SLC3A1: variants seen among roughly 807,000 people sequenced by gnomAD.
SLC3A1 encodes the protein solute carrier family 3 member 1.
A neutral mutation model predicts 60.3 loss-of-function variants in SLC3A1; 78 were observed. The ratio of observed to expected loss-of-function variants is 1.29; its 90% CI spans 1.08 to 1.56. The LOEUF (loss-of-function observed/expected upper bound fraction) is 1.56. Ranked by LOEUF, SLC3A1 falls within the 40% of genes most tolerant of loss-of-function variation. SLC3A1 has a pLI of 0.00. For missense variants in SLC3A1, 1,172 were observed against 858.9 expected, an observed-to-expected ratio of 1.36 and a Z score of -4.56; for synonymous variants, 392 against 307.9, an observed-to-expected ratio of 1.27 and a Z score of -2.86.
In SLC3A1 at chr2:44,304,328, C is replaced by T. The variant is rs779168140; in HGVS notation, c.1322C>T (p.Pro441Leu). Residue 441 changes from proline to leucine, a missense_variant, in exon 7 of 10, where the codon CCT becomes CTT. Coordinates refer to ENST00000260649, the MANE Select transcript of SLC3A1 (RefSeq NM_000341.4). ...WMENMPEGKWPNWMIGGPDSS... is the reference protein window; with the variant it reads ...WMENMPEGKWLNWMIGGPDSS... ...GAAAACATGCCAGAAGGAAAATGGC[C>T]TAACTGGATGGTAAGTCCTCATGAC... The T allele has an allele frequency of 5.6e-6, 9 of 1,613,242 alleles. No homozygotes were observed. Among genetic ancestry groups the T allele is most frequent in the Non-Finnish European group, 6.8e-6 (8 of 1,179,292 alleles).
intron 7 of SLC3A1, among the ~76,000 whole-genome samples, chr2:44,311,124 G>A (rs1672285755): frequency 6.6e-6 from 1 of 152,156 alleles, no homozygotes; most frequent in East Asian, 1.9e-4. Context: ...TGGTTCTCAG[G>A]CCAGATACTC....
rs937353956 is a variant in SLC3A1 at position 44,314,177 on chromosome 2, A to G, written c.1617+226A>G. Reference sequence around the variant, plus strand: ...TGAAGTGAAGTATCATATAGAATATACAAGTCTTCATTGCAATGACCTTTA... The same window carrying G: ...TGAAGTGAAGTATCATATAGAATATGCAAGTCTTCATTGCAATGACCTTTA... On this transcript the variant is annotated intron_variant, in intron 9 of 9. Coordinates refer to ENST00000260649, the MANE Select transcript of SLC3A1 (RefSeq NM_000341.4). 2.5e-5 allele frequency: 28 copies of G among 1,120,748 alleles called. No individual in the cohort carries two copies. In the African/African-American group the frequency reaches 3.8e-4, roughly 15 times the overall value. 69.4% of individuals were successfully genotyped at this position (1,120,748 alleles called of 1,614,324 possible).
In SLC3A1 at chr2:44,295,421, G is replaced by C. The variant is rs550430450; in HGVS notation, c.892-4550G>C. 4.3e-4 allele frequency among the ~76,000 whole-genome samples: 65 copies of C among 152,264 alleles called. 2 individuals are homozygous for C. In the South Asian group the frequency reaches 0.012, roughly 29 times the overall value. ...CCCATTTTTGCATCTGGAACCCTGA[G>C]AGACCTTCATGGGAGTAAAGAGGGT... On this transcript the variant is annotated intron_variant, in intron 4 of 9. Coordinates refer to ENST00000260649, the MANE Select transcript of SLC3A1 (RefSeq NM_000341.4).
At position 44,280,852 on chromosome 2, in the gene SLC3A1, G is replaced by T; in HGVS notation, c.567G>T (p.Thr189=). The T allele has an allele frequency of 6.2e-7, 1 of 1,614,092 alleles. No individual in the cohort carries two copies. Among genetic ancestry groups the T allele is most frequent in the Non-Finnish European group, 8.5e-7 (1 of 1,180,000 alleles). ...DFREVDPIFG[T]MEDFENLVAA... ...GGGAAGTTGATCCCATTTTTGGAACGATGGAAGATTTTGAGAATCTGGTTG... is the reference window on the plus strand; with the variant it reads ...GGGAAGTTGATCCCATTTTTGGAACTATGGAAGATTTTGAGAATCTGGTTG... The change falls in exon 2 of 10, where the codon ACG becomes ACT. Residue 189 remains threonine (T), a synonymous_variant. Transcript: ENST00000260649.
At chr2:44,305,667 C>T (rs765834814) in intron 7 of SLC3A1, among the ~76,000 whole-genome samples, 1 of 151,906 alleles carries the variant, frequency 6.6e-6, no homozygotes, top group Non-Finnish European at 1.5e-5. Flanking sequence ...ACCTCGTGAT[C>T]CACCCCCACC....
chr2:44,313,729 A>C, intron 8 of SLC3A1, 106 bp from the exon 9 acceptor site: 1 of 955,486 alleles, frequency 1.0e-6, no homozygotes. Context: ...TACAAACACT[A>C]GCTAAGAACT....
intron 1 of SLC3A1, among the ~76,000 whole-genome samples, chr2:44,279,846 T>G (rs1187263304): frequency 1.3e-5 from 2 of 151,816 alleles, no homozygotes; most frequent in East Asian, 3.9e-4. Flanking sequence ...TACAGGCACG[T>G]GCCACCATGC....
chr2:44,290,691 T>TG (rs1218148630), intron 4 of SLC3A1, among the ~76,000 whole-genome samples: 2 of 151,828 alleles, frequency 1.3e-5, no homozygotes, highest in African/African-American at 4.8e-5. Context: ...GACTTTTTTT[T>TG]TTTTTACTGT....
In SLC3A1 at chr2:44,275,544, A is replaced by G; in HGVS notation, c.9A>G (p.Glu3=). 2.5e-6 allele frequency: 4 copies of G among 1,614,064 alleles called. No individual in the cohort carries two copies. The highest frequency in any genetic ancestry group is 2.5e-6 in the Non-Finnish European group (3 of 1,179,968). MA[E]DKSKRDSIEM... Reference sequence around the variant, plus strand: ...ACATAAGTCGGTGAGACATGGCTGAAGATAAAAGCAAGAGAGACTCCATCG... The same window carrying G: ...ACATAAGTCGGTGAGACATGGCTGAGGATAAAAGCAAGAGAGACTCCATCG... Residue 3 remains glutamate (E), a synonymous_variant, in exon 1 of 10, where the codon GAA becomes GAG. Transcript: ENST00000260649.
At chr2:44,314,231 T>A in intron 9 of SLC3A1, 1 of 743,654 alleles carries the variant, frequency 1.3e-6, no homozygotes, top group Non-Finnish European at 2.1e-6. Flanking sequence ...GAAGGAAATT[T>A]TATGAAGTTT....
Position 44,320,489 on chromosome 2 carries a change from T to A in SLC3A1, c.1908T>A (p.Ser636Arg). 1 of 1,614,132 alleles carries A rather than the reference T, an allele frequency of 6.2e-7. No individual in the cohort carries two copies. The highest frequency in any genetic ancestry group is 8.5e-7 in the Non-Finnish European group (1 of 1,179,984). ...SADKGSKVDT[S>R]GIFLDKGEGL... The stretch of plus-strand genomic sequence containing the variant: ...ACAAAGGCAGTAAAGTTGATACAAG[T>A]GGCATTTTTCTGGACAAGGGAGAGG... The change falls in exon 10 of 10, where the codon AGT (serine) becomes AGA (arginine). Residue 636 changes from serine to arginine, a missense_variant. By Grantham distance (110) the Ser-to-Arg change is moderately radical. Coordinates refer to ENST00000260649, the MANE Select transcript of SLC3A1 (RefSeq NM_000341.4).
rs1672191432 is a variant in SLC3A1 at position 44,307,656 on chromosome 2, T to G, written c.1332+3318T>G. Among the ~76,000 whole-genome samples, 4 of 151,766 alleles carry G rather than the reference T, an allele frequency of 2.6e-5. No homozygotes were observed. The South Asian group carries it at 8.3e-4, about 32-fold the overall frequency. ...GGACATCTGCATGTCTTATTTGGAG[T>G]AATGTCTGTTCAGATTCTTTGCCTA... On this transcript the variant is annotated intron_variant, in intron 7 of 9. Coordinates refer to ENST00000260649, the MANE Select transcript of SLC3A1 (RefSeq NM_000341.4).
At chr2:44,319,387 T>TG (rs933046422) in intron 9 of SLC3A1, 1 of 152,390 alleles carries the variant, frequency 6.6e-6, no homozygotes, top group Non-Finnish European at 1.5e-5. Flanking sequence ...AATACAAAAA[T>TG]GGGGGGAGGG....
At chr2:44,294,230 C>T (rs1265819338) in intron 4 of SLC3A1, among the ~76,000 whole-genome samples, 2 of 152,038 alleles carry the variant, frequency 1.3e-5, no homozygotes, top group South Asian at 2.1e-4. Context: ...GGGGTCTGGG[C>T]GTGGTGGCTC....
In SLC3A1 at chr2:44,320,204, A is replaced by G. The variant is rs1291355341; in HGVS notation, c.1623A>G (p.Gln541=). The G allele has an allele frequency of 6.8e-6, 11 of 1,613,106 alleles. No individual in the cohort carries two copies. Among genetic ancestry groups the G allele is most frequent in the Admixed American group, 1.7e-5 (1 of 59,960 alleles). Residue 541 remains glutamine (Q), a synonymous_variant, in exon 10 of 10, where the codon CAA becomes CAG. Transcript: ENST00000260649. Reference sequence around the variant, plus strand: ...ATACTTTTTTAAAAAAATAGGTCCAAAAGACTCAGCCCAGATCGGCTTTGA... The same window carrying G: ...ATACTTTTTTAAAAAAATAGGTCCAGAAGACTCAGCCCAGATCGGCTTTGA... ...SDYHTVNVDV[Q]KTQPRSALKL...
intron 4 of SLC3A1, among the ~76,000 whole-genome samples, chr2:44,297,591 C>G (rs1671885957): frequency 6.6e-6 from 1 of 152,180 alleles, no homozygotes; most frequent in African/African-American, 2.4e-5. Flanking sequence ...AGGTAACCAT[C>G]CCTTGTCCCA....
Position 44,275,899 on chromosome 2 carries a change from C to T in SLC3A1, c.364C>T (p.Pro122Ser). 2.5e-6 allele frequency: 4 copies of T among 1,613,614 alleles called. No individual in the cohort carries two copies. The highest frequency in any genetic ancestry group is 2.5e-6 in the Non-Finnish European group (3 of 1,179,896). Residue 122 changes from proline to serine, a missense_variant, in exon 1 of 10, where the codon CCC becomes TCC. Pro to Ser is a moderately conservative substitution (Grantham distance 74). Coordinates refer to ENST00000260649, the MANE Select transcript of SLC3A1 (RefSeq NM_000341.4). The stretch of plus-strand genomic sequence containing the variant: ...GTGCCTAGACTGGTGGCAGGAGGGG[C>T]CCATGTACCAGATCTACCCAAGGTC... Reference protein sequence around the residue: ...PKCLDWWQEGPMYQIYPRSFK... With the variant: ...PKCLDWWQEGSMYQIYPRSFK...
intron 1 of SLC3A1, among the ~76,000 whole-genome samples, chr2:44,278,498 G>C (rs1222537869): frequency 2.0e-5 from 3 of 151,504 alleles, no homozygotes; most frequent in South Asian, 2.1e-4. Flanking sequence ...TAAATAAGCA[G>C]TGTGTTATAG....
At chr2:44,309,970 C>T (rs1672253463) in intron 7 of SLC3A1, among the ~76,000 whole-genome samples, 1 of 151,978 alleles carries the variant, frequency 6.6e-6, no homozygotes, top group Admixed American at 6.6e-5. Context: ...TGGCTCACTG[C>T]AGCCTTGACC....
Sources: gnomAD v4.1 joint callset for allele counts (sites outside exome capture counted in the v4.1 genomes callset) on GRCh38, gnomAD v4.1.1 for gene constraint, MANE v1.5 for transcripts, NCBI Gene and HGNC (gene_info 2026-07-23, HGNC 2026-07-21) for gene names.